Variants in PTER observed in about 807,000 individuals in gnomAD.
PTER encodes phosphotriesterase related.
In PTER, 38 loss-of-function variants were observed where a neutral mutation model predicts 29.6. The ratio of observed to expected loss-of-function variants is 1.28; its 90% CI spans 0.99 to 1.68. PTER has a LOEUF of 1.68. Among genes scored for constraint, PTER ranks in the 40% most tolerant of loss-of-function variants. The pLI is 0.00. For missense variants in PTER, 482 were observed against 427.8 expected, an observed-to-expected ratio of 1.13 and a Z score of -1.12; for synonymous variants, 172 against 154.5, an observed-to-expected ratio of 1.11 and a Z score of -0.84.
chr10:16,470,479 G>T (rs536589815), intron 1 of PTER, among the ~76,000 whole-genome samples: 1 of 152,266 alleles, frequency 6.6e-6, no homozygotes, highest in South Asian at 2.1e-4. Context: ...CATTAAAAGG[G>T]TTTCTTGGGA....
intron 1 of PTER, among the ~76,000 whole-genome samples, chr10:16,481,475 C>A (rs929137280): frequency 6.6e-6 from 1 of 152,172 alleles, no homozygotes; most frequent in East Asian, 1.9e-4. Flanking sequence ...TAGATACACA[C>A]TCCACCCCAC....
intron 1 of PTER, among the ~76,000 whole-genome samples, chr10:16,439,171 A>G (rs934758315): frequency 1.3e-5 from 2 of 152,106 alleles, no homozygotes; most frequent in Non-Finnish European, 2.9e-5. Flanking sequence ...ATAAATGTGT[A>G]TTTTGGAGGT....
At chr10:16,491,747 C>T (rs1348490066) in intron 3 of PTER, among the ~76,000 whole-genome samples, 1 of 152,102 alleles carries the variant, frequency 6.6e-6, no homozygotes, top group Non-Finnish European at 1.5e-5. Flanking sequence ...CTCCAGAATG[C>T]TGGGACTCTC....
chr10:16,444,800 C>G (rs952663027), intron 1 of PTER, among the ~76,000 whole-genome samples: 1 of 152,062 alleles, frequency 6.6e-6, no homozygotes, highest in East Asian at 1.9e-4. Context: ...TTGCTTCTGA[C>G]GAGCTTTTAC....
Position 16,484,585 on chromosome 10 carries a change from T to C in PTER, c.201T>C (p.His67=), listed in dbSNP as rs749210841. 1.9e-6 allele frequency: 3 copies of C among 1,613,982 alleles called. No individual in the cohort carries two copies. Among genetic ancestry groups the C allele is most frequent in the South Asian group, 2.2e-5 (2 of 91,064 alleles). The stretch of plus-strand genomic sequence containing the variant: ...GGATTCAGAAAAACGCCTATTCCCA[T>C]AAAGAAAACCTTCAATTAAATCAGG... ...LYWIQKNAYS[H]KENLQLNQET... The change falls in exon 2 of 5, where the codon CAT becomes CAC. Residue 67 remains histidine, a synonymous_variant. Transcript: ENST00000535784.
At chr10:16,446,657 T>C (rs1228486591) in intron 1 of PTER, among the ~76,000 whole-genome samples, 4 of 152,242 alleles carry the variant, frequency 2.6e-5, no homozygotes, top group Non-Finnish European at 4.4e-5. Flanking sequence ...ATTAGAAACA[T>C]TTCATGGACT....
At position 16,513,408 on chromosome 10, in the gene PTER, T is replaced by A. The variant is rs559635454; in HGVS notation, c.*2152T>A. On this transcript the variant is annotated 3_prime_UTR_variant, in exon 5 of 5. Transcript: ENST00000535784. Reference sequence around the variant, plus strand: ...GAATAAAGCCATATATATAAATGTTTTATATGTATATGTTTTATACATAAA... The same window carrying A: ...GAATAAAGCCATATATATAAATGTTATATATGTATATGTTTTATACATAAA... 1 of 152,680 alleles carries A rather than the reference T, an allele frequency of 6.5e-6. No individual in the cohort carries two copies. The highest frequency in any genetic ancestry group is 2.1e-4 in the South Asian group (1 of 4,830). The allele number at this position is 152,680 out of a possible 1,614,324, so 9.5% of individuals were successfully genotyped here. A position where few individuals can be genotyped will look rare whatever the true frequency, so the allele number is the denominator to read the frequency against.
At chr10:16,496,271 C>G (rs1459273979) in intron 3 of PTER, among the ~76,000 whole-genome samples, 1 of 152,218 alleles carries the variant, frequency 6.6e-6, no homozygotes, top group African/African-American at 2.4e-5. Context: ...CTAATTATAT[C>G]CCTGATCCTG....
At chr10:16,453,224 G>A (rs912696150) in intron 1 of PTER, among the ~76,000 whole-genome samples, 1 of 151,964 alleles carries the variant, frequency 6.6e-6, no homozygotes, top group Non-Finnish European at 1.5e-5. Context: ...CCAGGTTATT[G>A]ATTTTTTTTA....
intron 1 of PTER, among the ~76,000 whole-genome samples, chr10:16,444,004 CTTT>C (rs199711479): frequency 3.7e-5 from 5 of 136,810 alleles, no homozygotes; most frequent in Non-Finnish European, 6.4e-5. Flanking sequence ...AAAACTTTTT[CTTT>C]TTTTTTTTTT....
chr10:16,480,443 G>T (rs975915993), intron 1 of PTER, among the ~76,000 whole-genome samples: 3 of 151,994 alleles, frequency 2.0e-5, no homozygotes, highest in African/African-American at 7.2e-5. Context: ...TGATCTGCCT[G>T]CCTCAACCTC....
chr10:16,511,541 GTTGT>G lies in PTER; in HGVS notation c.*288_*291del, dbSNP rs1249799179. The G allele has an allele frequency of 9.0e-6, 3 of 331,984 alleles. No homozygotes were observed. Among genetic ancestry groups the G allele is most frequent in the African/African-American group, 6.1e-5 (3 of 48,810 alleles). The allele number at this position is 331,984 out of a possible 1,614,324, so 20.6% of individuals were successfully genotyped here. ...AAGTCTATATCCCCTAAGCGGAGTT[GTTGT>G]TTTTCTCCCTAATCTATCAGCTGCA... On this transcript the variant is annotated 3_prime_UTR_variant, in exon 5 of 5. Coordinates refer to ENST00000535784, the MANE Select transcript of PTER (RefSeq NM_001261836.2).
At chr10:16,471,982 G>A (rs1441817794) in intron 1 of PTER, among the ~76,000 whole-genome samples, 1 of 152,182 alleles carries the variant, frequency 6.6e-6, no homozygotes, top group Admixed American at 6.5e-5. Flanking sequence ...GTGGCTAGGA[G>A]GTTGTCATAC....
At chr10:16,469,430 G>C (rs929002229) in intron 1 of PTER, among the ~76,000 whole-genome samples, 2 of 152,204 alleles carry the variant, frequency 1.3e-5, no homozygotes, top group African/African-American at 4.8e-5. Flanking sequence ...AAGCCAGAGA[G>C]ACTTCTGAGA....
chr10:16,489,068 G>T (rs1835804147), intron 3 of PTER, among the ~76,000 whole-genome samples: 1 of 152,030 alleles, frequency 6.6e-6, no homozygotes, highest in Non-Finnish European at 1.5e-5. Flanking sequence ...TATATGTAGG[G>T]CTTTCTTACC....
intron 1 of PTER, chr10:16,476,202 G>T: frequency 6.6e-6 from 1 of 152,302 alleles, no homozygotes; most frequent in East Asian, 1.9e-4. Flanking sequence ...TCCTGCCTCA[G>T]CCTCCTGACT....
At chr10:16,482,133 A>G (rs1325067619) in intron 1 of PTER, among the ~76,000 whole-genome samples, 1 of 152,226 alleles carries the variant, frequency 6.6e-6, no homozygotes, top group Non-Finnish European at 1.5e-5. Context: ...ATCAATGGCC[A>G]TGTTAGCCAC....
At chr10:16,478,994 G>C (rs1384882791) in intron 1 of PTER, among the ~76,000 whole-genome samples, 1 of 151,954 alleles carries the variant, frequency 6.6e-6, no homozygotes, top group Non-Finnish European at 1.5e-5. Context: ...TCCCAGCACT[G>C]TCACTTCCTG....
At chr10:16,509,152 T>G (rs894705747) in intron 4 of PTER, among the ~76,000 whole-genome samples, 5 of 152,236 alleles carry the variant, frequency 3.3e-5, no homozygotes, top group Non-Finnish European at 7.3e-5. Context: ...CTCCCCCTTT[T>G]CTGGCAGCAT....
Sources: gnomAD v4.1 joint callset for allele counts (sites outside exome capture counted in the v4.1 genomes callset) on GRCh38, gnomAD v4.1.1 for gene constraint, MANE v1.5 for transcripts, NCBI Gene and HGNC (gene_info 2026-07-23, HGNC 2026-07-21) for gene names.